FRY: variants seen among roughly 807,000 people sequenced by gnomAD.
The protein encoded by FRY is FRY microtubule binding protein.
A neutral mutation model predicts 348.4 loss-of-function variants in FRY; 128 were observed. The observed-to-expected ratio is 0.37, with a 90% confidence interval of 0.32 to 0.43. The LOEUF is 0.43. FRY is among the 20% of genes least tolerant of loss of function. The pLI is 1.00. For missense variants in FRY, 2,736 were observed against 3,695.2 expected (o/e 0.74, Z 6.73); for synonymous variants, 1,370 against 1,374.7 (o/e 1.00, Z 0.08).
At chr13:32,188,871 C>T (rs1883174898) in intron 28 of FRY, among the ~76,000 whole-genome samples, 1 of 151,912 alleles carries the variant, frequency 6.6e-6, no homozygotes, top group South Asian at 2.1e-4. Flanking sequence ...TTTTGGTGCC[C>T]GTCACATGGA....
chr13:32,118,156 T>C (rs1164554353), intron 4 of FRY, among the ~76,000 whole-genome samples: 2 of 152,158 alleles, frequency 1.3e-5, no homozygotes, highest in African/African-American at 2.4e-5. Context: ...AAATTTTAGG[T>C]AAGCACATAT....
intron 28 of FRY, among the ~76,000 whole-genome samples, chr13:32,193,535 G>C (rs959172917): frequency 2.0e-5 from 3 of 150,526 alleles, no homozygotes; most frequent in Non-Finnish European, 4.4e-5. Context: ...AACCAAATAC[G>C]TGTATTTTTC....
rs1259902224 is a variant in FRY at position 32,224,368 on chromosome 13, C to G, written c.4899C>G (p.Pro1633=). 6.2e-7 allele frequency: 1 copy of G among 1,614,048 alleles called. No homozygotes were observed. The highest frequency in any genetic ancestry group is 2.2e-5 in the East Asian group (1 of 44,854). Residue 1633 remains proline, a synonymous_variant, in exon 37 of 61, where the codon CCC becomes CCG. Transcript: ENST00000542859. ...ACTATCTCCCGGAGACCATCACTCC[C>G]CGGGGGCCACTCCACAGGTGAGCAG... ...LVDYLPETIT[P]RGPLHRCNIA...
intron 16 of FRY, 84 bp downstream of exon 16, chr13:32,157,489 GT>G (rs1881183592): frequency 5.2e-6 from 7 of 1,341,344 alleles, no homozygotes; most frequent in Non-Finnish European, 5.3e-6. Context: ...TCTGTATTTT[GT>G]TTTCATCTTC....
intron 11 of FRY, among the ~76,000 whole-genome samples, chr13:32,144,714 C>T (rs1880292725): frequency 6.6e-6 from 1 of 152,148 alleles, no homozygotes; most frequent in Non-Finnish European, 1.5e-5. Flanking sequence ...AGTTAAGACA[C>T]TGAAAGACTG....
At chr13:32,047,060 G>C (rs2773963) in intron 1 of FRY, among the ~76,000 whole-genome samples, 1 of 151,648 alleles carries the variant, frequency 6.6e-6, no homozygotes, top group East Asian at 1.9e-4. Flanking sequence ...TATATATAGA[G>C]AGAGAGAGAG....
intron 47 of FRY, among the ~76,000 whole-genome samples, chr13:32,244,764 G>A (rs533045657): frequency 6.6e-6 from 1 of 152,152 alleles, no homozygotes; most frequent in African/African-American, 2.4e-5. Flanking sequence ...CTAGTCTCTC[G>A]GTTTCTGTGT....
At chr13:32,081,049 G>T (rs1272777891) in intron 2 of FRY, among the ~76,000 whole-genome samples, 1 of 152,186 alleles carries the variant, frequency 6.6e-6, no homozygotes, top group African/African-American at 2.4e-5. Context: ...GTTGGAATTT[G>T]TTTGCGTGGA....
Position 32,210,901 on chromosome 13 carries a change from C to T in FRY, c.4458C>T (p.Asn1486=), listed in dbSNP as rs1329325949. 2 of 1,613,962 alleles carry T rather than the reference C, an allele frequency of 1.2e-6. No individual in the cohort carries two copies. The highest frequency in any genetic ancestry group is 1.7e-6 in the Non-Finnish European group (2 of 1,179,838). ...KKVAIYLCRN[N]TIQTMEELLF... is the part of the protein sequence containing the mutation. Reference sequence around the variant, plus strand: ...TGGCAATATACTTGTGCCGTAACAACACCATTCAAACCATGGAAGAGCTTC... The same window carrying T: ...TGGCAATATACTTGTGCCGTAACAATACCATTCAAACCATGGAAGAGCTTC... Residue 1486 remains asparagine, a synonymous_variant, in exon 34 of 61, where the codon AAC becomes AAT. Transcript: ENST00000542859.
chr13:32,062,920 G>A (rs552075733), intron 1 of FRY, among the ~76,000 whole-genome samples: 1 of 151,588 alleles, frequency 6.6e-6, no homozygotes, highest in East Asian at 1.9e-4. Flanking sequence ...TAATGCATAT[G>A]CATATATATG....
chr13:32,165,315 GT>G (rs1393361650), intron 17 of FRY, among the ~76,000 whole-genome samples: 3 of 152,218 alleles, frequency 2.0e-5, no homozygotes, highest in Non-Finnish European at 4.4e-5. Flanking sequence ...ACATATGCCT[GT>G]GTTGTGGAAA....
intron 11 of FRY, among the ~76,000 whole-genome samples, chr13:32,137,965 G>T (rs960284100): frequency 1.8e-4 from 27 of 152,144 alleles, no homozygotes; most frequent in Non-Finnish European, 3.8e-4. Context: ...TCTAAAAGCT[G>T]ATTGTGAAAT....
chr13:32,239,669 A>T lies in FRY; in HGVS notation c.6517-42A>T, dbSNP rs774884858. 2.9e-6 allele frequency: 4 copies of T among 1,364,602 alleles called. No homozygotes were observed. In the Admixed American group the frequency reaches 6.7e-5, roughly 23 times the overall value. The allele number at this position is 1,364,602 out of a possible 1,614,324, so 84.5% of individuals were successfully genotyped here. On this transcript the variant is annotated intron_variant, in intron 45 of 60. Transcript: ENST00000542859. This position sits in a 1 kb window ranked among gnomAD's most constrained non-coding sequence, Gnocchi z 4.3. ...AAATTGCTAACATTTCTTCCTATTC[A>T]TTGGGCTATTTTATTCCTAATTGAT...
chr13:32,139,378 C>T (rs188898095), intron 11 of FRY, among the ~76,000 whole-genome samples: 6 of 152,332 alleles, frequency 3.9e-5, no homozygotes, highest in South Asian at 4.1e-4. Context: ...GCCACAGATG[C>T]TTCAGGATAG....
At chr13:32,198,638 C>A (rs1883828789) in intron 29 of FRY, among the ~76,000 whole-genome samples, 1 of 152,098 alleles carries the variant, frequency 6.6e-6, no homozygotes, top group South Asian at 2.1e-4. Context: ...AATAACAAAT[C>A]TAAGTAAAGG....
intron 3 of FRY, among the ~76,000 whole-genome samples, chr13:32,103,360 G>A (rs1219955432): frequency 6.6e-6 from 1 of 152,202 alleles, no homozygotes; most frequent in Non-Finnish European, 1.5e-5. Context: ...GTGGCAAGTT[G>A]TGGCTTTTTA....
intron 2 of FRY, among the ~76,000 whole-genome samples, chr13:32,098,015 T>G (rs1406649972): frequency 6.6e-6 from 1 of 152,088 alleles, no homozygotes; most frequent in East Asian, 1.9e-4. Context: ...TTGAAAAAAC[T>G]GGACACCACT....
chr13:32,220,018 T>C (rs1218266767), intron 36 of FRY, among the ~76,000 whole-genome samples: 1 of 152,212 alleles, frequency 6.6e-6, no homozygotes, highest in Non-Finnish European at 1.5e-5. Flanking sequence ...AGAGTATTAA[T>C]TGGTCACAAG....
chr13:32,066,774 G>A (rs1286140734), intron 1 of FRY, among the ~76,000 whole-genome samples: 1 of 152,154 alleles, frequency 6.6e-6, no homozygotes, highest in African/African-American at 2.4e-5. Flanking sequence ...CTGGCTCCCA[G>A]TGGCCCTCAA....
Sources: gnomAD v4.1 joint callset for allele counts (sites outside exome capture counted in the v4.1 genomes callset) on GRCh38, gnomAD v4.1.1 for gene constraint, Gnocchi (gnomAD v3.1) non-coding constraint, MANE v1.5 for transcripts, NCBI Gene and HGNC (gene_info 2026-07-23, HGNC 2026-07-21) for gene names.